NFIA: variants seen among roughly 807,000 people sequenced by gnomAD.
The protein encoded by NFIA is nuclear factor I A, also known as nuclear factor 1 A-type.
In NFIA, 8 loss-of-function variants were observed where a neutral mutation model predicts 62.8. The ratio of observed to expected loss-of-function variants is 0.13; its 90% CI spans 0.07 to 0.23. The LOEUF is 0.23. Among genes scored for constraint, NFIA ranks in the 10% least tolerant of loss-of-function variants. NFIA has a pLI of 1.00. For missense variants in NFIA, 410 were observed against 642.1 expected, an observed-to-expected ratio of 0.64 and a Z score of 3.91; for synonymous variants, 235 against 238.1, an observed-to-expected ratio of 0.99 and a Z score of 0.12.
At chr1:61,365,011 C>T (rs1309916335) in intron 6 of NFIA, among the ~76,000 whole-genome samples, 1 of 152,036 alleles carries the variant, frequency 6.6e-6, no homozygotes, top group Non-Finnish European at 1.5e-5. Context: ...ATAGCAGGAC[C>T]CTGTCTCTAC....
At chr1:61,276,524 GA>G (rs1281255938) in intron 2 of NFIA, among the ~76,000 whole-genome samples, 3 of 151,936 alleles carry the variant, frequency 2.0e-5, no homozygotes, top group East Asian at 1.9e-4. Flanking sequence ...AGGTTTTGTT[GA>G]AAAAAAATTT....
chr1:61,436,604 C>T (rs1392043482), intron 10 of NFIA, among the ~76,000 whole-genome samples: 1 of 152,166 alleles, frequency 6.6e-6, no homozygotes, highest in East Asian at 1.9e-4. Flanking sequence ...TGAGATCCAT[C>T]GAAGATCTCA....
At chr1:61,261,556 C>T (rs1344044736) in intron 2 of NFIA, among the ~76,000 whole-genome samples, 1 of 152,158 alleles carries the variant, frequency 6.6e-6, no homozygotes, top group African/African-American at 2.4e-5. Flanking sequence ...ATGATACTTT[C>T]AACTTCCAAT....
Position 61,088,726 on chromosome 1 carries a change from C to G in NFIA, c.559+46C>G. The G allele has an allele frequency of 6.4e-7, 1 of 1,568,734 alleles. No homozygotes were observed. Among genetic ancestry groups the G allele is most frequent in the Non-Finnish European group, 8.6e-7 (1 of 1,159,336 alleles). On this transcript the variant is annotated intron_variant, in intron 2 of 10. Coordinates refer to ENST00000403491, the MANE Select transcript of NFIA (RefSeq NM_001134673.4). This position sits in a 1 kb window ranked among gnomAD's most constrained non-coding sequence, Gnocchi z 4.5. The stretch of plus-strand genomic sequence containing the variant: ...TCCTCCCACTTTCTTGTGTGTGTTT[C>G]TTTCCTGATGGCCTCCGCGTTATGC...
At chr1:61,304,065 C>T (rs945618582) in intron 3 of NFIA, among the ~76,000 whole-genome samples, 11 of 151,964 alleles carry the variant, frequency 7.2e-5, no homozygotes, top group Non-Finnish European at 1.3e-4. Flanking sequence ...CACTTGAGGC[C>T]GGAAGTTCGA....
chr1:61,290,473 T>C (rs1276269595), intron 3 of NFIA, among the ~76,000 whole-genome samples: 1 of 152,194 alleles, frequency 6.6e-6, no homozygotes. Context: ...TTCATTAGGA[T>C]ATCTGATTCC....
intron 3 of NFIA, among the ~76,000 whole-genome samples, chr1:61,289,110 C>T (rs1366377671): frequency 6.6e-6 from 1 of 152,090 alleles, no homozygotes; most frequent in Non-Finnish European, 1.5e-5. Flanking sequence ...ATGGAGAGTC[C>T]CTGAGCTTAA....
intron 3 of NFIA, among the ~76,000 whole-genome samples, chr1:61,310,703 T>C (rs991225265): frequency 6.6e-6 from 1 of 150,974 alleles, no homozygotes; most frequent in Non-Finnish European, 1.5e-5. Context: ...TTCTTTCTTT[T>C]CTCTTTTCCT....
intron 2 of NFIA, among the ~76,000 whole-genome samples, chr1:61,168,907 C>T (rs1214295183): frequency 6.6e-6 from 1 of 152,070 alleles, no homozygotes; most frequent in African/African-American, 2.4e-5. Context: ...TATGGAAGGC[C>T]CTAAGTTTGT....
chr1:61,126,865 A>G (rs1352629350), intron 2 of NFIA, among the ~76,000 whole-genome samples: 4 of 128,180 alleles, frequency 3.1e-5, no homozygotes, highest in East Asian at 2.3e-4. Context: ...GCTCACTGCA[A>G]CCTCCACCTC....
chr1:61,308,866 C>T (rs1031273553), intron 3 of NFIA, among the ~76,000 whole-genome samples: 1 of 152,154 alleles, frequency 6.6e-6, no homozygotes, highest in African/African-American at 2.4e-5. Flanking sequence ...ATACTCCATG[C>T]TATATTCCAA....
rs560810811 is a variant in NFIA at position 61,104,007 on chromosome 1, A to G, written c.559+15327A>G. On this transcript the variant is annotated intron_variant, in intron 2 of 10. Transcript: ENST00000403491. ...TTTATCTAGAAAAGATGATTTGGTG[A>G]TGATGGAGTAATATAGTAACTGCTC... 2.0e-5 allele frequency among the ~76,000 whole-genome samples: 3 copies of G among 152,238 alleles called. No individual in the cohort carries two copies. In the South Asian group the frequency reaches 6.2e-4, roughly 32 times the overall value.
intron 4 of NFIA, among the ~76,000 whole-genome samples, chr1:61,341,698 G>A (rs768650473): frequency 2.6e-4 from 39 of 152,100 alleles, no homozygotes; most frequent in Non-Finnish European, 4.7e-4. Flanking sequence ...GGCTCGTCTC[G>A]AACTCCTGGG....
intron 6 of NFIA, among the ~76,000 whole-genome samples, chr1:61,373,742 A>AT (rs914291198): frequency 1.3e-5 from 2 of 151,674 alleles, no homozygotes; most frequent in Admixed American, 1.3e-4. Flanking sequence ...AAAAGCTTTC[A>AT]TTTTTTTCCC....
intron 2 of NFIA, among the ~76,000 whole-genome samples, chr1:61,163,695 G>A (rs563845509): frequency 3.9e-5 from 6 of 152,300 alleles, no homozygotes; most frequent in Non-Finnish European, 8.8e-5. Context: ...TATTATGCTG[G>A]ACACCTGCAT....
rs770594178 is a variant in NFIA at position 61,383,362 on chromosome 1, A to G, written c.1072A>G (p.Arg358Gly). The G allele has an allele frequency of 1.9e-6, 3 of 1,613,880 alleles. No individual in the cohort carries two copies. The highest frequency in any genetic ancestry group is 2.5e-6 in the Non-Finnish European group (3 of 1,179,842). ...TCACCGACCTGTCATTACAGGACCCAGAGGTGAGCTGCTCCACAGGCACCC... is the reference window on the plus strand; with the variant it reads ...TCACCGACCTGTCATTACAGGACCCGGAGGTGAGCTGCTCCACAGGCACCC... The part of the protein sequence containing the change: ...QHHRPVITGP[R>G]ASPHATPSTL... Residue 358 changes from arginine to glycine, a missense_variant, in exon 7 of 11, where the codon AGA (arginine) becomes GGA (glycine). Coordinates refer to ENST00000403491, the MANE Select transcript of NFIA (RefSeq NM_001134673.4).
In NFIA at chr1:61,088,375, C is replaced by A. The variant is rs377002433; in HGVS notation, c.254C>A (p.Pro85His). Residue 85 changes from proline (P) to histidine (H), a missense_variant, in exon 2 of 11, where the codon CCC (proline) becomes CAC (histidine). Physicochemically the swap from Pro to His is moderately conservative, Grantham distance 77. This residue lies in a region of NFIA where 86 missense variants were observed against 124.6 expected (regional missense o/e 0.69). Transcript: ENST00000403491. This position sits in a 1 kb window ranked among gnomAD's most constrained non-coding sequence, Gnocchi z 4.5. ...GCAAAGTTGCGGAAAGATATCCGAC[C>A]CGAATATCGAGAGGATTTTGTTCTT... ...LLAKLRKDIRPEYREDFVLTV... is the reference protein window; with the variant it reads ...LLAKLRKDIRHEYREDFVLTV... The A allele has an allele frequency of 8.1e-6, 13 of 1,613,544 alleles. No homozygotes were observed. The highest frequency in any genetic ancestry group is 2.7e-5 in the African/African-American group (2 of 74,746).
intron 7 of NFIA, among the ~76,000 whole-genome samples, chr1:61,402,968 T>C (rs1189193992): frequency 2.0e-5 from 3 of 152,232 alleles, no homozygotes; most frequent in South Asian, 4.1e-4. Context: ...TCACAGCCTT[T>C]AGCCATGCAA....
At chr1:61,301,866 G>C (rs940674909) in intron 3 of NFIA, among the ~76,000 whole-genome samples, 7 of 152,180 alleles carry the variant, frequency 4.6e-5, no homozygotes, top group Non-Finnish European at 7.3e-5. Context: ...TTCTGTCTGA[G>C]CCAGGTCACC....
Sources: allele counts gnomAD v4.1 joint callset (sites outside exome capture counted in the v4.1 genomes callset), GRCh38; gene constraint gnomAD v4.1.1; regional missense constraint gnomAD v4.1.1; non-coding constraint Gnocchi (gnomAD v3.1); transcripts MANE v1.5; gene names NCBI Gene and HGNC (gene_info 2026-07-23, HGNC 2026-07-21).